The following RAB38 variants were observed in gnomAD, a reference collection of about 807,000 sequenced individuals.
The protein encoded by RAB38 is ras-related protein Rab-38.
RAB38 carries 15 observed loss-of-function variants against 18.4 expected under a neutral mutation model. The observed-to-expected ratio is 0.82, with a 90% CI of 0.55 to 1.26. The LOEUF (loss-of-function observed/expected upper bound fraction) is 1.26. RAB38 is among the 50% of genes most tolerant of loss of function. The pLI is 0.00. For synonymous variants in RAB38, 101 were observed against 104.4 expected, an observed-to-expected ratio of 0.97 and a Z score of 0.20; for missense variants, 294 against 267.4, an observed-to-expected ratio of 1.10 and a Z score of -0.69.
chr11:87,940,065 C>A, the RAB38 span, among the ~76,000 whole-genome samples: 30 of 151,416 alleles, frequency 2.0e-4, no homozygotes, highest in East Asian at 5.3e-3. Flanking sequence ...AACAAAAAAT[C>A]CAGTGATTTG....
At chr11:87,869,100 A>G in the RAB38 span, among the ~76,000 whole-genome samples, 1 of 151,642 alleles carries the variant, frequency 6.6e-6, no homozygotes, top group African/African-American at 2.4e-5. Context: ...CTAGGGAGCA[A>G]AACCATAAAA....
At chr11:87,904,706 A>AT in the RAB38 span, among the ~76,000 whole-genome samples, 45,720 of 151,570 alleles carry the variant, frequency 0.3, 8,703 homozygotes, top group African/African-American at 0.55. Flanking sequence ...CCAACAGTGT[A>AT]TAAGTGTTCC....
chr11:87,811,548 C>G, the RAB38 span, among the ~76,000 whole-genome samples: 1 of 152,008 alleles, frequency 6.6e-6, no homozygotes, highest in African/African-American at 2.4e-5. Flanking sequence ...CTTGCAGGGC[C>G]CTCTATTTGG....
intron 1 of RAB38, among the ~76,000 whole-genome samples, chr11:88,155,003 C>A (rs1328677077): frequency 2.0e-5 from 3 of 152,212 alleles, no homozygotes; most frequent in African/African-American, 7.2e-5. Flanking sequence ...GCTCTCTAGG[C>A]ATCTGAAGCA....
chr11:87,849,790 C>G, the RAB38 span, among the ~76,000 whole-genome samples: 1 of 152,050 alleles, frequency 6.6e-6, no homozygotes, highest in African/African-American at 2.4e-5. Flanking sequence ...ACTTGACTTG[C>G]AAACAAAATT....
the RAB38 span, among the ~76,000 whole-genome samples, chr11:87,902,289 G>A: frequency 6.6e-6 from 1 of 151,440 alleles, no homozygotes; most frequent in South Asian, 2.1e-4. Context: ...ATATTTTCTA[G>A]AAATTATCCT....
At chr11:88,053,371 A>AAT in the RAB38 span, among the ~76,000 whole-genome samples, 4 of 47,516 alleles carry the variant, frequency 8.4e-5, no homozygotes, top group African/African-American at 1.1e-4. Flanking sequence ...ATATATATGG[A>AAT]ATATATATAT....
chr11:87,923,447 C>T, the RAB38 span, among the ~76,000 whole-genome samples: 3 of 151,592 alleles, frequency 2.0e-5, no homozygotes, highest in African/African-American at 7.3e-5. Flanking sequence ...TGTCCTTAAG[C>T]ATAAACTTGA....
chr11:88,004,105 T>C, the RAB38 span, among the ~76,000 whole-genome samples: 1 of 146,550 alleles, frequency 6.8e-6, no homozygotes, highest in East Asian at 2.0e-4. Context: ...ACTAATTTTA[T>C]GAAACCTCGT....
At chr11:88,033,821 G>A in the RAB38 span, among the ~76,000 whole-genome samples, 86 of 138,434 alleles carry the variant, frequency 6.2e-4, 1 homozygote, top group African/African-American at 2.2e-3. Context: ...TCCGCCTCCC[G>A]GGTTCATGCC....
chr11:88,141,881 T>C (rs1408850058), intron 2 of RAB38, among the ~76,000 whole-genome samples: 1 of 152,218 alleles, frequency 6.6e-6, no homozygotes, highest in Non-Finnish European at 1.5e-5. Context: ...CCTACCTTCC[T>C]ACCCTCATAC....
the RAB38 span, among the ~76,000 whole-genome samples, chr11:88,090,865 C>CAATAG: frequency 6.6e-6 from 1 of 151,942 alleles, no homozygotes; most frequent in Admixed American, 6.6e-5. Flanking sequence ...CTCCAAAGGC[C>CAATAG]TGGTTAGGTC....
At chr11:88,172,917 G>C (rs536203013) in intron 1 of RAB38, among the ~76,000 whole-genome samples, 1 of 152,308 alleles carries the variant, frequency 6.6e-6, no homozygotes, top group East Asian at 1.9e-4. Flanking sequence ...CTGAGCATTA[G>C]AGCTCTGGGA....
intron 2 of RAB38, among the ~76,000 whole-genome samples, chr11:88,123,974 T>C (rs1428472520): frequency 6.6e-6 from 1 of 152,212 alleles, no homozygotes; most frequent in African/African-American, 2.4e-5. Flanking sequence ...ATGATTCTTA[T>C]GCCCTAGCCC....
the RAB38 span, among the ~76,000 whole-genome samples, chr11:88,092,083 T>C: frequency 1.3e-5 from 2 of 151,748 alleles, no homozygotes; most frequent in African/African-American, 4.8e-5. Flanking sequence ...CGTATGGCAG[T>C]GATCAATGAG....
intron 2 of RAB38, among the ~76,000 whole-genome samples, chr11:88,136,301 G>T (rs1218793263): frequency 6.6e-6 from 1 of 152,162 alleles, no homozygotes; most frequent in Admixed American, 6.5e-5. Context: ...CAGTGAAGTA[G>T]ATGGAGATGA....
At chr11:87,950,351 T>A in the RAB38 span, among the ~76,000 whole-genome samples, 1 of 152,214 alleles carries the variant, frequency 6.6e-6, no homozygotes, top group Non-Finnish European at 1.5e-5. Context: ...TTTGCCAGTC[T>A]GTGTCTTTTA....
At chr11:87,937,475 G>C in the RAB38 span, among the ~76,000 whole-genome samples, 45 of 151,352 alleles carry the variant, frequency 3.0e-4, no homozygotes, top group Non-Finnish European at 4.6e-4. Context: ...GTACTGAGAA[G>C]TATTTCATCC....
the RAB38 span, among the ~76,000 whole-genome samples, chr11:87,849,991 G>C: frequency 6.6e-6 from 1 of 151,518 alleles, no homozygotes; most frequent in Non-Finnish European, 1.5e-5. Context: ...TTAAATGGCT[G>C]TTCTGTTAGC....
Sources: gnomAD v4.1 joint callset for allele counts (sites outside exome capture counted in the v4.1 genomes callset) on GRCh38, gnomAD v4.1.1 for gene constraint, MANE v1.5 for transcripts, NCBI Gene and HGNC (gene_info 2026-07-23, HGNC 2026-07-21) for gene names.